RIMS1: variants seen among roughly 807,000 people sequenced by gnomAD.
The protein encoded by RIMS1 is regulating synaptic membrane exocytosis protein 1.
In RIMS1, 83 loss-of-function variants were observed where a neutral mutation model predicts 214.1. The observed-to-expected ratio is 0.39, with a 90% CI of 0.32 to 0.47. The LOEUF is 0.47. Among genes scored for constraint, RIMS1 ranks in the 20% least tolerant of loss-of-function variants. RIMS1 has a pLI of 0.99. For missense variants in RIMS1, 2,050 were observed against 2,161.8 expected, an observed-to-expected ratio of 0.95 and a Z score of 1.03; for synonymous variants, 793 against 786.8, an observed-to-expected ratio of 1.01 and a Z score of -0.13.
intron 2 of RIMS1, among the ~76,000 whole-genome samples, chr6:72,042,030 G>A (rs1821594725): frequency 6.6e-6 from 1 of 151,882 alleles, no homozygotes; most frequent in Non-Finnish European, 1.5e-5. Context: ...TTGTATCTGA[G>A]AAGCCCAAGT....
chr6:72,210,058 A>G (rs757167648), intron 6 of RIMS1, among the ~76,000 whole-genome samples: 13 of 152,178 alleles, frequency 8.5e-5, no homozygotes, highest in Non-Finnish European at 1.8e-4. Context: ...TGGTAGCTGA[A>G]TCACAGATAT....
intron 22 of RIMS1, among the ~76,000 whole-genome samples, chr6:72,274,130 G>A (rs916575155): frequency 6.6e-6 from 1 of 152,046 alleles, no homozygotes; most frequent in Non-Finnish European, 1.5e-5. Context: ...CGAATAAATT[G>A]TTTCTTTATT....
intron 26 of RIMS1, among the ~76,000 whole-genome samples, chr6:72,303,295 T>TCCC (rs2094821625): frequency 1.3e-5 from 2 of 150,758 alleles, no homozygotes; most frequent in Non-Finnish European, 3.0e-5. Flanking sequence ...GGCCTTTTAA[T>TCCC]AATATGAAAG....
chr6:72,278,851 A>C (rs2088304366), intron 23 of RIMS1, among the ~76,000 whole-genome samples: 1 of 152,046 alleles, frequency 6.6e-6, no homozygotes. Flanking sequence ...TTTCCTTCCC[A>C]AACTTAATGA....
intron 6 of RIMS1, among the ~76,000 whole-genome samples, chr6:72,183,920 G>C (rs1163157415): frequency 1.3e-5 from 2 of 152,064 alleles, no homozygotes; most frequent in African/African-American, 4.8e-5. Flanking sequence ...TATAGACTAC[G>C]TGGCGCCATT....
chr6:71,937,981 G>T (rs967896124), intron 1 of RIMS1, among the ~76,000 whole-genome samples: 2 of 152,056 alleles, frequency 1.3e-5, no homozygotes, highest in East Asian at 3.9e-4. Context: ...GGCATGATTC[G>T]TCCTGAGGCA....
At chr6:72,099,900 A>G in intron 3 of RIMS1, 75 bp from the exon 4 acceptor site, 1 of 1,173,536 alleles carries the variant, frequency 8.5e-7, no homozygotes. Context: ...CCAATTTATT[A>G]ATACATGGCT....
At chr6:72,016,848 AT>A (rs1316264698) in intron 2 of RIMS1, among the ~76,000 whole-genome samples, 1 of 152,212 alleles carries the variant, frequency 6.6e-6, no homozygotes, top group East Asian at 1.9e-4. Flanking sequence ...TTCAATGCTT[AT>A]AATAGGGAGA....
intron 5 of RIMS1, 102 bp downstream of exon 5, chr6:72,180,017 G>A: frequency 1.4e-6 from 1 of 737,212 alleles, no homozygotes; most frequent in Non-Finnish European, 2.1e-6. Context: ...TGTGGAAGTA[G>A]TACTTCTCAG....
At chr6:72,208,130 G>A (rs2053239357) in intron 6 of RIMS1, among the ~76,000 whole-genome samples, 1 of 152,112 alleles carries the variant, frequency 6.6e-6, no homozygotes, top group South Asian at 2.1e-4. Flanking sequence ...AATGAAAGAA[G>A]GATGAATATA....
intron 29 of RIMS1, chr6:72,366,632 A>G: frequency 1.1e-6 from 1 of 917,528 alleles, no homozygotes. Flanking sequence ...AGCACTCTTG[A>G]CAGAAGCAAT....
chr6:71,927,115 G>C (rs1781781825), intron 1 of RIMS1, among the ~76,000 whole-genome samples: 1 of 152,156 alleles, frequency 6.6e-6, no homozygotes, highest in Admixed American at 6.6e-5. Flanking sequence ...TAGAAGAAAT[G>C]AATGGCAATT....
chr6:72,316,681 T>TTATTGGG (rs1197901775), intron 28 of RIMS1: 2 of 594,608 alleles, frequency 3.4e-6, no homozygotes, highest in African/African-American at 3.7e-5. Context: ...ATAGATGCTT[T>TTATTGGG]TATTGGGTGG....
chr6:72,355,281 T>C (rs1195159130), intron 29 of RIMS1, among the ~76,000 whole-genome samples: 1 of 152,116 alleles, frequency 6.6e-6, no homozygotes, highest in East Asian at 1.9e-4. Flanking sequence ...TACATAAAAA[T>C]CCCTGTAAGT....
chr6:72,019,086 G>T (rs994839232), intron 2 of RIMS1, among the ~76,000 whole-genome samples: 1 of 152,024 alleles, frequency 6.6e-6, no homozygotes, highest in African/African-American at 2.4e-5. Context: ...AAACCTTATG[G>T]CTCTTACTAT....
intron 22 of RIMS1, among the ~76,000 whole-genome samples, chr6:72,273,795 T>A (rs2154192655): frequency 6.6e-6 from 1 of 152,306 alleles, no homozygotes; most frequent in South Asian, 2.1e-4. Flanking sequence ...CACTTGTAGT[T>A]TTCCCATGAA....
intron 6 of RIMS1, among the ~76,000 whole-genome samples, chr6:72,199,074 G>T (rs1376744046): frequency 1.3e-5 from 2 of 151,978 alleles, no homozygotes; most frequent in Non-Finnish European, 2.9e-5. Flanking sequence ...AAAACTGGAG[G>T]TCATTTCCAG....
intron 2 of RIMS1, among the ~76,000 whole-genome samples, chr6:71,998,264 C>T (rs1292691612): frequency 6.6e-6 from 1 of 152,168 alleles, no homozygotes; most frequent in African/African-American, 2.4e-5. Context: ...CACTTATTTA[C>T]TGCTCTCCTG....
chr6:72,231,130 T>A (rs1056349877), intron 6 of RIMS1, among the ~76,000 whole-genome samples: 1 of 151,720 alleles, frequency 6.6e-6, no homozygotes, highest in African/African-American at 2.4e-5. Context: ...TTTAGGAGCA[T>A]GTTTTGTTGA....
Sources: allele counts gnomAD v4.1 joint callset (sites outside exome capture counted in the v4.1 genomes callset), GRCh38; gene constraint gnomAD v4.1.1; transcripts MANE v1.5; gene names NCBI Gene and HGNC (gene_info 2026-07-23, HGNC 2026-07-21).